The following RBFOX1 variants were observed in gnomAD, a reference collection of about 807,000 sequenced individuals.
RBFOX1 encodes the protein RNA binding fox-1 homolog 1.
In RBFOX1, 8 loss-of-function variants were observed where a neutral mutation model predicts 57.7. The observed-to-expected ratio is 0.14, with a 90% confidence interval of 0.08 to 0.25. The LOEUF (loss-of-function observed/expected upper bound fraction) is 0.25, where lower values mean the gene tolerates loss of function less well. Ranked by LOEUF, RBFOX1 falls within the 10% of genes least tolerant of loss-of-function variation. The pLI is 1.00. For missense variants in RBFOX1, 611 were observed against 548.5 expected, an observed-to-expected ratio of 1.11 and a Z score of -1.14; for synonymous variants, 326 against 222.4, an observed-to-expected ratio of 1.47 and a Z score of -4.15.
chr16:6,450,851 A>ACATATATATG lies in RBFOX1; in HGVS notation c.-64+133794_-64+133795insCATATATATG. Among the ~76,000 whole-genome samples, 9 of 64,968 alleles carry ACATATATATG rather than the reference A, an allele frequency of 1.4e-4. 1 individual carries two copies. Among genetic ancestry groups the ACATATATATG allele is most frequent in the African/African-American group, 4.6e-4 (8 of 17,500 alleles). 42.6% of individuals were successfully genotyped at this position (64,968 alleles called of 152,430 possible). ...TATATATATATGTGTATATATATAT[A>ACATATATATG]TATATATATATATATATATATATCT... On this transcript the variant is annotated intron_variant, in intron 2 of 15. Transcript: ENST00000550418.
At chr16:6,168,767 A>G (rs1031234454) in intron 1 of RBFOX1, among the ~76,000 whole-genome samples, 11 of 151,202 alleles carry the variant, frequency 7.3e-5, no homozygotes, top group Non-Finnish European at 1.0e-4. Flanking sequence ...TAAGAGTTCT[A>G]TCTCACTTTG....
At chr16:6,427,319 A>G (rs1413145546) in intron 2 of RBFOX1, among the ~76,000 whole-genome samples, 1 of 152,172 alleles carries the variant, frequency 6.6e-6, no homozygotes, top group Non-Finnish European at 1.5e-5. Flanking sequence ...TTATGTTTAC[A>G]TTATTCTCCT....
chr16:5,689,916 G>A (rs954143134), intron 3 of RBFOX1, among the ~76,000 whole-genome samples: 2 of 152,180 alleles, frequency 1.3e-5, no homozygotes, highest in African/African-American at 4.8e-5. Flanking sequence ...GTCTAGGAAG[G>A]TCTCTCTGAA....
At chr16:6,903,872 G>A (rs933511481) in intron 3 of RBFOX1, among the ~76,000 whole-genome samples, 4 of 152,130 alleles carry the variant, frequency 2.6e-5, no homozygotes, top group Non-Finnish European at 5.9e-5. Context: ...AAAGGGTGGT[G>A]AAGCTGGGAG....
At chr16:6,073,481 T>A (rs932013980) in intron 1 of RBFOX1, among the ~76,000 whole-genome samples, 1 of 152,186 alleles carries the variant, frequency 6.6e-6, no homozygotes, top group East Asian at 1.9e-4. Flanking sequence ...TATTATTTTT[T>A]CCAAGTGTAT....
chr16:7,194,930 A>AAC, intron 4 of RBFOX1, among the ~76,000 whole-genome samples: 1 of 238 alleles, frequency 4.2e-3, no homozygotes, highest in African/African-American at 0.017. Flanking sequence ...CCTGTTTCAC[A>AAC]AAAAAAAAAA....
intron 1 of RBFOX1, among the ~76,000 whole-genome samples, chr16:6,182,298 T>C (rs922522851): frequency 6.6e-6 from 1 of 152,222 alleles, no homozygotes; most frequent in African/African-American, 2.4e-5. Flanking sequence ...CCAATTTTAC[T>C]CTGTTCTCTC....
At chr16:7,394,214 C>A (rs1218041931) in intron 4 of RBFOX1, among the ~76,000 whole-genome samples, 5 of 104,836 alleles carry the variant, frequency 4.8e-5, no homozygotes, top group Non-Finnish European at 8.6e-5. Flanking sequence ...CTAGCCTGGG[C>A]AACAGAGCAA....
At chr16:6,489,644 C>T (rs1406508887) in intron 2 of RBFOX1, among the ~76,000 whole-genome samples, 3 of 152,124 alleles carry the variant, frequency 2.0e-5, no homozygotes, top group Non-Finnish European at 4.4e-5. Flanking sequence ...AAACAAAAGA[C>T]GTTTTTAGTC....
chr16:6,205,100 C>G (rs1315684978), intron 1 of RBFOX1, among the ~76,000 whole-genome samples: 2 of 151,908 alleles, frequency 1.3e-5, no homozygotes, highest in Non-Finnish European at 2.9e-5. Flanking sequence ...GTCACCAGGC[C>G]CTCTCTGTAG....
chr16:5,458,221 G>C (rs2068688719), intron 1 of RBFOX1, among the ~76,000 whole-genome samples: 5 of 152,154 alleles, frequency 3.3e-5, no homozygotes, highest in African/African-American at 1.2e-4. Flanking sequence ...TTGCTTTGGA[G>C]TTGGATTATG....
At chr16:5,736,459 C>G (rs1166602941) in intron 3 of RBFOX1, among the ~76,000 whole-genome samples, 2 of 152,040 alleles carry the variant, frequency 1.3e-5, no homozygotes, top group African/African-American at 4.8e-5. Context: ...CTTGTCCCAG[C>G]TTCTGCTGCG....
At position 7,341,644 on chromosome 16, in the gene RBFOX1, A is replaced by G. The variant is rs187828946; in HGVS notation, c.28-176503A>G. On this transcript the variant is annotated intron_variant, in intron 4 of 15. Coordinates refer to ENST00000550418, the MANE Select transcript of RBFOX1 (RefSeq NM_018723.4). ...AAAGAAGATGGCTTCCTACAGAGAG[A>G]TACTCCAAATGACAGAGTTCCTGCT... 4.6e-5 allele frequency among the ~76,000 whole-genome samples: 7 copies of G among 152,224 alleles called. No individual in the cohort carries two copies. The East Asian group carries it at 1.4e-3, about 30-fold the overall frequency.
chr16:6,243,197 T>A (rs1389997578), intron 1 of RBFOX1, among the ~76,000 whole-genome samples: 1 of 151,970 alleles, frequency 6.6e-6, no homozygotes, highest in African/African-American at 2.4e-5. Flanking sequence ...GGAGAAAGCT[T>A]TTTCATTTGA....
chr16:6,347,141 G>C (rs142157611), intron 2 of RBFOX1, among the ~76,000 whole-genome samples: 36 of 152,316 alleles, frequency 2.4e-4, no homozygotes, highest in African/African-American at 8.2e-4. Context: ...GGTCTCTGAA[G>C]AAGTTCCTGG....
chr16:7,664,677 G>A (rs781293282), intron 12 of RBFOX1: 10 of 566,116 alleles, frequency 1.8e-5, no homozygotes, highest in African/African-American at 3.8e-5. Context: ...TCCTGAGAGA[G>A]TGGGAAGTTT....
In RBFOX1 at chr16:5,467,174, TTC is replaced by T. The variant is rs34212245; in HGVS notation, c.220-20_220-19del. The T allele has an allele frequency of 3.4e-3, 4,321 of 1,261,824 alleles. 7 individuals are homozygous for T. The highest frequency in any genetic ancestry group is 0.029 in the Admixed American group (985 of 34,362). The allele number at this position is 1,261,824 out of a possible 1,614,324, so 78.2% of individuals were successfully genotyped here. A position where few individuals can be genotyped will look rare whatever the true frequency, so the allele number is the denominator to read the frequency against. On this transcript the variant is annotated intron_variant, in intron 1 of 2. Coordinates refer to the RBFOX1 transcript ENST00000585867. ...TGTTTCAATGTAGACTCAATGTTTC[TTC>T]TCTCTCTCTCTCTCTCTCTCTTTTT... is the stretch of plus-strand genomic sequence containing the variant.
rs1400070228 is a variant in RBFOX1, at chr16:6,455,742, G to C, written c.-64+138685G>C. On this transcript the variant is annotated intron_variant, in intron 2 of 15. Transcript: ENST00000550418. ...GGAATGGAGGGGGTCGTTGCAGCTG[G>C]TAATGACCGTATTTGCTTTTATTGT... Among the ~76,000 whole-genome samples the C allele has an allele frequency of 2.0e-5, 3 of 152,134 alleles. No homozygotes were observed. In the East Asian group the frequency reaches 5.8e-4, roughly 29 times the overall value.
chr16:6,288,725 C>A (rs1252401153), intron 1 of RBFOX1, among the ~76,000 whole-genome samples: 1 of 152,086 alleles, frequency 6.6e-6, no homozygotes, highest in Non-Finnish European at 1.5e-5. Flanking sequence ...GCTGGTACAG[C>A]TGAAGCAAGG....
Sources: allele counts gnomAD v4.1 joint callset (sites outside exome capture counted in the v4.1 genomes callset), GRCh38; gene constraint gnomAD v4.1.1; transcripts MANE v1.5; gene names NCBI Gene and HGNC (gene_info 2026-07-23, HGNC 2026-07-21).